The following CSMD1 variants were observed in gnomAD, a reference collection of about 807,000 sequenced individuals.
CSMD1 encodes CUB and Sushi multiple domains 1, also known as CUB and sushi domain-containing protein 1.
In CSMD1, 213 loss-of-function variants were observed where a neutral mutation model predicts 417.5. The ratio of observed to expected loss-of-function variants is 0.51; its 90% CI spans 0.46 to 0.57. The LOEUF (loss-of-function observed/expected upper bound fraction) is 0.57. Among genes scored for constraint, CSMD1 ranks in the 20% least tolerant of loss-of-function variants. The probability of loss-of-function intolerance (pLI) is 0.00; values close to 1 mark genes in which losing one functional copy is unlikely to be tolerated. For synonymous variants in CSMD1, 2,862 were observed against 1,736.8 expected (o/e 1.65, Z -16.11); for missense variants, 6,923 against 4,529.7 (o/e 1.53, Z -15.17).
At chr8:4,196,567 A>G (rs1799351878) in intron 3 of CSMD1, among the ~76,000 whole-genome samples, 1 of 152,140 alleles carries the variant, frequency 6.6e-6, no homozygotes, top group African/African-American at 2.4e-5. Context: ...TTTTAGCCTC[A>G]AAAGACTACC....
chr8:4,588,742 A>G (rs2617079), intron 2 of CSMD1, among the ~76,000 whole-genome samples: 60,090 of 150,838 alleles, frequency 0.4, 12,108 homozygotes, highest in South Asian at 0.43. Context: ...CCGAGATTGC[A>G]CCACTGCACT....
chr8:4,104,051 A>G (rs902469327), intron 3 of CSMD1, among the ~76,000 whole-genome samples: 1 of 152,146 alleles, frequency 6.6e-6, no homozygotes, highest in Non-Finnish European at 1.5e-5. Context: ...TCTGGGCATT[A>G]CTCAAGTACT....
intron 39 of CSMD1, among the ~76,000 whole-genome samples, chr8:3,157,102 G>A: frequency 6.6e-6 from 1 of 152,040 alleles, no homozygotes; most frequent in East Asian, 1.9e-4. Context: ...TTGCGGGTAA[G>A]GAGTGTCAAG....
intron 1 of CSMD1, among the ~76,000 whole-genome samples, chr8:4,747,209 C>T (rs986948273): frequency 2.0e-5 from 3 of 152,190 alleles, no homozygotes; most frequent in Non-Finnish European, 4.4e-5. Context: ...TGGAGAATTT[C>T]TACCTTCAGT....
intron 3 of CSMD1, among the ~76,000 whole-genome samples, chr8:4,182,078 T>C (rs550505243): frequency 6.6e-6 from 1 of 151,918 alleles, no homozygotes; most frequent in Admixed American, 6.6e-5. Flanking sequence ...AAATTAGGTA[T>C]TTAAACCTAC....
chr8:4,769,407 AT>A (rs1490799907), intron 1 of CSMD1, among the ~76,000 whole-genome samples: 1 of 152,212 alleles, frequency 6.6e-6, no homozygotes, highest in Admixed American at 6.5e-5. Flanking sequence ...CAATTTTACT[AT>A]TCTTGGCATT....
At chr8:4,809,488 C>T (rs1798777003) in intron 1 of CSMD1, among the ~76,000 whole-genome samples, 1 of 151,942 alleles carries the variant, frequency 6.6e-6, no homozygotes, top group Non-Finnish European at 1.5e-5. Flanking sequence ...AGGGGATTGC[C>T]AATAGACATG....
Position 2,951,278 on chromosome 8 carries a change from G to GT in CSMD1, c.10040-4dup. 1 of 1,598,948 alleles carries GT rather than the reference G, an allele frequency of 6.3e-7. No homozygotes were observed. The highest frequency in any genetic ancestry group is 1.3e-5 in the African/African-American group (1 of 74,730). On this transcript the variant is annotated splice_polypyrimidine_tract_variant and splice_region_variant and intron_variant, in intron 65 of 69. Transcript: ENST00000635120. The stretch of plus-strand genomic sequence containing the variant: ...GACGAAAAAGACATCTGAAGGAACT[G>GT]TGGGAAGGGGGGAAACAGACCAATG...
At chr8:3,155,699 C>A (rs1819485530) in intron 39 of CSMD1, among the ~76,000 whole-genome samples, 1 of 152,098 alleles carries the variant, frequency 6.6e-6, no homozygotes, top group South Asian at 2.1e-4. Flanking sequence ...GTAAAAGTAG[C>A]TCAATGTTTT....
intron 18 of CSMD1, among the ~76,000 whole-genome samples, chr8:3,386,313 C>G (rs1276811448): frequency 6.6e-6 from 1 of 152,188 alleles, no homozygotes; most frequent in Non-Finnish European, 1.5e-5. Flanking sequence ...TCAGCCTGCT[C>G]GTGTGGCCCC....
intron 50 of CSMD1, among the ~76,000 whole-genome samples, chr8:3,030,422 C>T (rs558275658): frequency 6.6e-6 from 1 of 151,786 alleles, no homozygotes. Flanking sequence ...GAAGAATTAA[C>T]TGGAGAGACT....
chr8:3,189,714 T>A (rs552674219), intron 34 of CSMD1, among the ~76,000 whole-genome samples, 198 bp downstream of exon 34: 1 of 128,824 alleles, frequency 7.8e-6, no homozygotes, highest in Non-Finnish European at 1.9e-5. Flanking sequence ...TTATCCTTGT[T>A]AAGATGATGA....
At chr8:3,864,545 G>A (rs1804950871) in intron 5 of CSMD1, among the ~76,000 whole-genome samples, 3 of 152,146 alleles carry the variant, frequency 2.0e-5, no homozygotes, top group Admixed American at 2.0e-4. Flanking sequence ...GTATACATGT[G>A]CCATGTTGGT....
intron 2 of CSMD1, among the ~76,000 whole-genome samples, chr8:4,518,734 G>A (rs947357160): frequency 6.6e-6 from 1 of 151,830 alleles, no homozygotes; most frequent in Non-Finnish European, 1.5e-5. Flanking sequence ...CCTGCACGTT[G>A]TGCGCATGTA....
intron 5 of CSMD1, among the ~76,000 whole-genome samples, chr8:3,870,412 A>G (rs1282850845): frequency 6.6e-6 from 1 of 152,170 alleles, no homozygotes; most frequent in African/African-American, 2.4e-5. Context: ...ATAGCACTCC[A>G]TGAAACATTT....
chr8:4,313,416 C>T (rs1164255536), intron 3 of CSMD1, among the ~76,000 whole-genome samples: 1 of 151,166 alleles, frequency 6.6e-6, no homozygotes, highest in Non-Finnish European at 1.5e-5. Context: ...GTGAAGATGC[C>T]TGACGGGACC....
chr8:3,675,135 C>G (rs1273004470), intron 7 of CSMD1, among the ~76,000 whole-genome samples: 1 of 152,186 alleles, frequency 6.6e-6, no homozygotes, highest in Non-Finnish European at 1.5e-5. Flanking sequence ...ACTTTCCCAT[C>G]ATGGCTCAAG....
At chr8:4,801,515 A>T (rs540799721) in intron 1 of CSMD1, among the ~76,000 whole-genome samples, 2 of 152,020 alleles carry the variant, frequency 1.3e-5, no homozygotes, top group South Asian at 2.1e-4. Context: ...TGTCATTTTG[A>T]AGGGCAGCAG....
intron 49 of CSMD1, among the ~76,000 whole-genome samples, chr8:3,059,198 A>C (rs1007492106): frequency 6.6e-6 from 1 of 152,006 alleles, no homozygotes; most frequent in African/African-American, 2.4e-5. Flanking sequence ...TAAGAACTAA[A>C]AAAAAATAAG....
Sources: allele counts gnomAD v4.1 joint callset (sites outside exome capture counted in the v4.1 genomes callset), GRCh38; gene constraint gnomAD v4.1.1; transcripts MANE v1.5; gene names NCBI Gene and HGNC (gene_info 2026-07-23, HGNC 2026-07-21).